The following FOCAD variants were observed in gnomAD, a reference collection of about 807,000 sequenced individuals.
The protein encoded by FOCAD is KIAA1797.
Under a neutral mutation model 225.6 loss-of-function variants are expected in FOCAD, and 198 were observed. The ratio of observed to expected loss-of-function variants is 0.88; its 90% CI spans 0.78 to 0.99. FOCAD has a LOEUF of 0.99. FOCAD is among the 50% of genes least tolerant of loss of function. The pLI is 0.00. For synonymous variants in FOCAD, 897 were observed against 755.0 expected, an observed-to-expected ratio of 1.19 and a Z score of -3.08; for missense variants, 2,713 against 2,123.6, an observed-to-expected ratio of 1.28 and a Z score of -5.46.
At chr9:20,744,510 G>A (rs1379573468) in intron 5 of FOCAD, among the ~76,000 whole-genome samples, 3 of 152,168 alleles carry the variant, frequency 2.0e-5, no homozygotes, top group Admixed American at 1.3e-4. Context: ...CAGTACATTT[G>A]GCTACTGTGA....
Position 20,970,534 on chromosome 9 carries a change from C to T in FOCAD, c.4133-5886C>T, listed in dbSNP as rs567412434. ...ACAGAACTCTATAATTTGTTTGGTT[C>T]TTTTAAAAAAGAACTCTTTTTGATA... On this transcript the variant is annotated intron_variant, in intron 35 of 43. Transcript: ENST00000338382. Among the ~76,000 whole-genome samples, 3 of 151,982 alleles carry T rather than the reference C, an allele frequency of 2.0e-5. No individual in the cohort carries two copies. In the South Asian group the frequency reaches 6.2e-4, roughly 32 times the overall value.
chr9:20,823,771 T>A (rs1274176356), intron 15 of FOCAD, among the ~76,000 whole-genome samples: 1 of 152,144 alleles, frequency 6.6e-6, no homozygotes, highest in Non-Finnish European at 1.5e-5. Context: ...CTAAGTAGAA[T>A]TCTCCCACCT....
intron 22 of FOCAD, among the ~76,000 whole-genome samples, chr9:20,912,406 G>T (rs1833511840): frequency 6.6e-6 from 1 of 152,044 alleles, no homozygotes; most frequent in African/African-American, 2.4e-5. Flanking sequence ...AGCTGTTGGA[G>T]AATAACTTAT....
At chr9:20,927,005 A>G (rs920675859) in intron 26 of FOCAD, among the ~76,000 whole-genome samples, 21 of 126,852 alleles carry the variant, frequency 1.7e-4, no homozygotes, top group African/African-American at 5.1e-4. Flanking sequence ...TATAATGTGA[A>G]ATATATATGT....
At position 20,976,556 on chromosome 9, in the gene FOCAD, T is replaced by G. The variant is rs370098551; in HGVS notation, c.4261+8T>G. The G allele has an allele frequency of 1.2e-6, 2 of 1,611,950 alleles. No individual in the cohort carries two copies. Among genetic ancestry groups the G allele is most frequent in the African/African-American group, 2.7e-5 (2 of 74,810 alleles). On this transcript the variant is annotated splice_region_variant and intron_variant, in intron 36 of 43. Coordinates refer to ENST00000338382, the MANE Select transcript of FOCAD (RefSeq NM_001375567.1). ...TTATGAGGCTAAATTTTGGTAAATA[T>G]CATGTGTTTTTAAGTCTTCAGACTT...
chr9:20,744,758 A>T (rs963018976), intron 5 of FOCAD, among the ~76,000 whole-genome samples: 5 of 152,196 alleles, frequency 3.3e-5, no homozygotes, highest in African/African-American at 1.2e-4. Flanking sequence ...ATGGGACTTC[A>T]TTGTTGCCAC....
intron 1 of FOCAD, among the ~76,000 whole-genome samples, chr9:20,715,033 C>G (rs1825218257): frequency 1.3e-5 from 2 of 152,086 alleles, no homozygotes; most frequent in Non-Finnish European, 2.9e-5. Flanking sequence ...TGTGGTTGAA[C>G]TTTTGGATGT....
intron 29 of FOCAD, 132 bp downstream of exon 29, chr9:20,944,906 A>G: frequency 1.0e-6 from 1 of 964,266 alleles, no homozygotes; most frequent in Non-Finnish European, 1.5e-6. Context: ...CTGAATGACA[A>G]ACAACCAATA....
At chr9:20,827,848 A>G (rs1040292386) in intron 15 of FOCAD, among the ~76,000 whole-genome samples, 1 of 152,108 alleles carries the variant, frequency 6.6e-6, no homozygotes, top group Non-Finnish European at 1.5e-5. Context: ...AAGGTTAATA[A>G]AATTTTATTT....
At chr9:20,957,934 G>T (rs542608030) in intron 35 of FOCAD, among the ~76,000 whole-genome samples, 1 of 151,894 alleles carries the variant, frequency 6.6e-6, no homozygotes. Flanking sequence ...GCCAGGCCTC[G>T]TTGCCCTTCA....
intron 5 of FOCAD, among the ~76,000 whole-genome samples, chr9:20,753,189 A>G (rs1226880760): frequency 6.6e-6 from 1 of 151,974 alleles, no homozygotes; most frequent in Non-Finnish European, 1.5e-5. Flanking sequence ...AGAACTTCCA[A>G]CACTATGTTG....
chr9:20,831,909 T>G (rs1825532554), intron 15 of FOCAD, among the ~76,000 whole-genome samples: 1 of 152,094 alleles, frequency 6.6e-6, no homozygotes, highest in Non-Finnish European at 1.5e-5. Context: ...TCCGTCTGCA[T>G]AGATATACCT....
intron 10 of FOCAD, among the ~76,000 whole-genome samples, chr9:20,785,071 A>C (rs1382221807): frequency 3.9e-5 from 6 of 152,102 alleles, no homozygotes; most frequent in African/African-American, 9.7e-5. Context: ...TGCAGGCTTC[A>C]TTTTAAGTAC....
At chr9:20,859,704 AAT>A (rs1343438312) in intron 15 of FOCAD, among the ~76,000 whole-genome samples, 7 of 147,124 alleles carry the variant, frequency 4.8e-5, no homozygotes, top group African/African-American at 1.7e-4. Flanking sequence ...TTATATATAT[AAT>A]ATATATATTA....
intron 5 of FOCAD, among the ~76,000 whole-genome samples, chr9:20,756,215 C>G (rs1029068746): frequency 6.6e-6 from 1 of 152,004 alleles, no homozygotes; most frequent in Non-Finnish European, 1.5e-5. Flanking sequence ...GTAGCATTCC[C>G]GTCAGTCAGA....
chr9:20,667,514 TA>T (rs1821930977), intron 2 of FOCAD, among the ~76,000 whole-genome samples: 1 of 152,224 alleles, frequency 6.6e-6, no homozygotes, highest in Non-Finnish European at 1.5e-5. Context: ...CATCCAAAAT[TA>T]ATCCCACTTT....
At chr9:20,979,717 T>C (rs1476791451) in intron 37 of FOCAD, among the ~76,000 whole-genome samples, 1 of 152,176 alleles carries the variant, frequency 6.6e-6, no homozygotes, top group East Asian at 1.9e-4. Context: ...GTCTGCATCT[T>C]TCTGTCAGGT....
intron 18 of FOCAD, among the ~76,000 whole-genome samples, chr9:20,873,439 G>A (rs994276823): frequency 5.9e-5 from 9 of 152,180 alleles, no homozygotes; most frequent in African/African-American, 1.9e-4. Context: ...TTGCGAACAT[G>A]CCAGAGTTTC....
At chr9:20,701,272 T>G (rs1417780469) in intron 1 of FOCAD, among the ~76,000 whole-genome samples, 3 of 152,340 alleles carry the variant, frequency 2.0e-5, no homozygotes, top group South Asian at 4.1e-4. Context: ...TCTGGACATT[T>G]CTTCCTGAGC....
Sources: gnomAD v4.1 joint callset for allele counts (sites outside exome capture counted in the v4.1 genomes callset) on GRCh38, gnomAD v4.1.1 for gene constraint, MANE v1.5 for transcripts, NCBI Gene and HGNC (gene_info 2026-07-23, HGNC 2026-07-21) for gene names.